Variants in MED13L observed in about 807,000 individuals in gnomAD.
The protein encoded by MED13L is mediator of RNA polymerase II transcription subunit 13-like.
In MED13L, 7 loss-of-function variants were observed where a neutral mutation model predicts 220.9. The observed-to-expected ratio is 0.03, with a 90% CI of 0.02 to 0.06. The LOEUF is 0.06. MED13L is among the 10% of genes least tolerant of loss of function. The pLI, the probability that MED13L is intolerant of heterozygous loss-of-function variation, is 1.00. For missense variants in MED13L, 1,965 were observed against 2,760.5 expected (o/e 0.71, Z 6.46); for synonymous variants, 1,011 against 1,015.2 (o/e 1.00, Z 0.08).
At chr12:116,060,148 A>G (rs993387062) in intron 4 of MED13L, among the ~76,000 whole-genome samples, 4 of 152,172 alleles carry the variant, frequency 2.6e-5, no homozygotes, top group East Asian at 3.8e-4. Context: ...AACACTGCCC[A>G]GGACACTCTC....
chr12:116,006,501 T>C (rs1879054652), intron 11 of MED13L, 90 bp from the exon 12 acceptor site: 1 of 1,011,380 alleles, frequency 9.9e-7, no homozygotes, highest in Non-Finnish European at 1.6e-6. Context: ...GAGGGTAGAA[T>C]GGAACTTGTT....
intron 25 of MED13L, 100 bp downstream of exon 25, chr12:115,975,071 T>G: frequency 8.2e-7 from 1 of 1,225,220 alleles, no homozygotes; most frequent in Non-Finnish European, 1.2e-6. Flanking sequence ...ATCTGTTTAA[T>G]TCTTACAAAT....
intron 4 of MED13L, among the ~76,000 whole-genome samples, chr12:116,067,849 C>A (rs1420655468): frequency 6.6e-6 from 1 of 152,150 alleles, no homozygotes; most frequent in East Asian, 1.9e-4. Flanking sequence ...ACGAAGCTTG[C>A]AGCAAATGTC....
At chr12:116,277,014 C>CT in intron 1 of MED13L, 46 bp downstream of exon 1, 1 of 1,395,752 alleles carries the variant, frequency 7.2e-7, no homozygotes. Flanking sequence ...TCGGGGACCC[C>CT]CCCCCTTCCC....
At chr12:116,151,461 A>C (rs557134163) in intron 2 of MED13L, among the ~76,000 whole-genome samples, 1 of 152,226 alleles carries the variant, frequency 6.6e-6, no homozygotes, top group African/African-American at 2.4e-5. Flanking sequence ...TTTAACAATA[A>C]ACGCATACAA....
At chr12:116,276,900 G>A (rs1452500289) in intron 1 of MED13L, 160 bp downstream of exon 1, 5 of 990,496 alleles carry the variant, frequency 5.0e-6, no homozygotes, top group Non-Finnish European at 7.7e-6. Flanking sequence ...GCGAGAGAGA[G>A]ACGATCCAAA....
chr12:116,275,664 G>A (rs889704059), intron 1 of MED13L, among the ~76,000 whole-genome samples: 16 of 152,108 alleles, frequency 1.1e-4, no homozygotes, highest in Admixed American at 1.3e-4. Flanking sequence ...GATTAAGAGG[G>A]AAATAATGCT....
chr12:116,000,376 A>T (rs1420457820), intron 14 of MED13L, among the ~76,000 whole-genome samples: 2 of 152,216 alleles, frequency 1.3e-5, no homozygotes, highest in African/African-American at 4.8e-5. Flanking sequence ...TGTGCTGCCC[A>T]CAGCGCTCTG....
At chr12:116,027,396 G>A (rs564315894) in intron 4 of MED13L, among the ~76,000 whole-genome samples, 17 of 152,150 alleles carry the variant, frequency 1.1e-4, no homozygotes, top group South Asian at 6.2e-4. Flanking sequence ...AACTCCAGCC[G>A]GGGTGACAGA....
intron 26 of MED13L, among the ~76,000 whole-genome samples, chr12:115,971,859 G>A (rs1261901781): frequency 6.6e-6 from 1 of 152,094 alleles, no homozygotes; most frequent in East Asian, 1.9e-4. Context: ...ATGATATTCA[G>A]AACTTAGTCT....
chr12:116,188,515 T>TTTTA (rs1247304247), intron 2 of MED13L, among the ~76,000 whole-genome samples: 1 of 152,186 alleles, frequency 6.6e-6, no homozygotes, highest in Non-Finnish European at 1.5e-5. Flanking sequence ...TTCAATTAAG[T>TTTTA]TTTAGTTTGT....
intron 23 of MED13L, among the ~76,000 whole-genome samples, chr12:115,977,983 G>A (rs1437883080): frequency 6.6e-6 from 1 of 152,024 alleles, no homozygotes; most frequent in Non-Finnish European, 1.5e-5. Flanking sequence ...GTGACAGAGC[G>A]AGACCTTGCC....
intron 2 of MED13L, among the ~76,000 whole-genome samples, chr12:116,165,055 T>C (rs1879147306): frequency 6.6e-6 from 1 of 152,178 alleles, no homozygotes; most frequent in Non-Finnish European, 1.5e-5. Flanking sequence ...TTCATGTACC[T>C]GCTTTTGGAT....
At chr12:116,163,718 A>G (rs545542190) in intron 2 of MED13L, among the ~76,000 whole-genome samples, 1 of 152,306 alleles carries the variant, frequency 6.6e-6, no homozygotes, top group African/African-American at 2.4e-5. Flanking sequence ...GCCCTTCTAA[A>G]TAGAGAAGTA....
chr12:116,090,036 G>C (rs1466479224), intron 4 of MED13L, among the ~76,000 whole-genome samples: 1 of 152,076 alleles, frequency 6.6e-6, no homozygotes, highest in Non-Finnish European at 1.5e-5. Flanking sequence ...ACGGTACTTA[G>C]GCTCAGTCTA....
chr12:116,018,326 C>T (rs1026310126), intron 7 of MED13L, among the ~76,000 whole-genome samples: 13 of 152,148 alleles, frequency 8.5e-5, no homozygotes, highest in African/African-American at 2.9e-4. Flanking sequence ...TTATTTAATG[C>T]CCACTAATTG....
At chr12:116,202,564 CT>C (rs1395750902) in intron 2 of MED13L, among the ~76,000 whole-genome samples, 3 of 152,110 alleles carry the variant, frequency 2.0e-5, no homozygotes, top group Non-Finnish European at 2.9e-5. Context: ...AAAGCACAGC[CT>C]TATTAGAGAT....
chr12:116,004,539 C>T (rs777995856), intron 13 of MED13L, among the ~76,000 whole-genome samples: 14 of 152,060 alleles, frequency 9.2e-5, no homozygotes, highest in Non-Finnish European at 1.8e-4. Context: ...CAGAGGAACA[C>T]ATATTAGTAC....
Position 116,006,316 on chromosome 12 carries a change from A to C in MED13L, c.2334T>G (p.Ala778=). 6.2e-7 allele frequency: 1 copy of C among 1,613,602 alleles called. No homozygotes were observed. Among genetic ancestry groups the C allele is most frequent in the East Asian group, 2.2e-5 (1 of 44,866 alleles). The part of the protein sequence containing the change: ...GKNAMSIFSS[A]TKTDVRQDNA... ...AATCATTGTACACACCTGTTTTAGT[A>C]GCAGAACTGAAAATAGACATGGCAT... The change falls in exon 12 of 31, where the codon GCT becomes GCG. Residue 778 remains alanine (A), a synonymous_variant. Coordinates refer to ENST00000281928, the MANE Select transcript of MED13L (RefSeq NM_015335.5).
Sources: allele counts gnomAD v4.1 joint callset (sites outside exome capture counted in the v4.1 genomes callset), GRCh38; gene constraint gnomAD v4.1.1; transcripts MANE v1.5; gene names NCBI Gene and HGNC (gene_info 2026-07-23, HGNC 2026-07-21).